ERC1: variants seen among roughly 807,000 people sequenced by gnomAD.
ERC1 encodes RAB6 interacting protein 2.
A neutral mutation model predicts 132.0 loss-of-function variants in ERC1; 56 were observed. The ratio of observed to expected loss-of-function variants is 0.42; its 90% CI spans 0.34 to 0.53. The LOEUF is 0.53. Among genes scored for constraint, ERC1 ranks in the 20% least tolerant of loss-of-function variants. ERC1 has a pLI of 0.03. For missense variants in ERC1, 1,202 were observed against 1,349.9 expected (o/e 0.89, Z 1.72); for synonymous variants, 478 against 476.1 (o/e 1.00, Z -0.05).
intron 17 of ERC1, chr12:1,443,648 G>A (rs2093224884): frequency 6.6e-6 from 1 of 152,330 alleles, no homozygotes; most frequent in East Asian, 1.9e-4. Flanking sequence ...TCAGTGTTCT[G>A]TGATGGTGAG....
intron 12 of ERC1, among the ~76,000 whole-genome samples, chr12:1,206,487 T>C (rs1957361407): frequency 1.3e-5 from 2 of 152,082 alleles, no homozygotes; most frequent in African/African-American, 4.8e-5. Context: ...CTTGTCTTCT[T>C]CCCCTGCCCT....
At chr12:1,432,530 G>A (rs538889053) in intron 17 of ERC1, among the ~76,000 whole-genome samples, 37 of 152,302 alleles carry the variant, frequency 2.4e-4, no homozygotes, top group Non-Finnish European at 4.7e-4. Context: ...TACATGTACC[G>A]TGATCTTCAC....
chr12:1,138,022 A>G (rs1949444898), intron 7 of ERC1, among the ~76,000 whole-genome samples: 1 of 125,746 alleles, frequency 8.0e-6, no homozygotes, highest in South Asian at 2.4e-4. Flanking sequence ...GTAAATGTAT[A>G]TATTATATAA....
intron 15 of ERC1, among the ~76,000 whole-genome samples, chr12:1,338,964 A>T (rs2083548613): frequency 1.3e-5 from 2 of 152,192 alleles, no homozygotes; most frequent in South Asian, 4.1e-4. Flanking sequence ...ACTACACTCT[A>T]ATGGGTGGTG....
chr12:1,111,243 T>A (rs1270441401), intron 5 of ERC1, among the ~76,000 whole-genome samples: 1 of 152,204 alleles, frequency 6.6e-6, no homozygotes, highest in Non-Finnish European at 1.5e-5. Context: ...GTCATTTAGT[T>A]TGATTCTGTA....
intron 2 of ERC1, among the ~76,000 whole-genome samples, chr12:1,038,315 A>G (rs1177566883): frequency 6.6e-6 from 1 of 151,348 alleles, no homozygotes; most frequent in Non-Finnish European, 1.5e-5. Flanking sequence ...TCCTTCTTTT[A>G]TGACAATTTT....
intron 17 of ERC1, 85 bp from the exon 18 acceptor site, chr12:1,444,477 G>A (rs2154411244): frequency 1.1e-6 from 1 of 921,266 alleles, no homozygotes; most frequent in Non-Finnish European, 1.6e-6. Context: ...GACTTGGAAA[G>A]CATAAAGAAT....
intron 15 of ERC1, among the ~76,000 whole-genome samples, chr12:1,309,068 T>TA (rs1165592251): frequency 2.0e-5 from 3 of 152,238 alleles, no homozygotes; most frequent in Non-Finnish European, 4.4e-5. Flanking sequence ...TACTGAATCT[T>TA]ACAGCACTTT....
At chr12:1,183,537 A>T in intron 11 of ERC1, 116 bp downstream of exon 11, 1 of 567,090 alleles carries the variant, frequency 1.8e-6, no homozygotes, top group Middle Eastern at 4.2e-4. Flanking sequence ...CCAAACTTTA[A>T]AATACCATGT....
At chr12:1,261,127 A>G (rs1368844703) in intron 13 of ERC1, among the ~76,000 whole-genome samples, 4 of 152,208 alleles carry the variant, frequency 2.6e-5, no homozygotes, top group Non-Finnish European at 4.4e-5. Flanking sequence ...ACAGCCACAA[A>G]GCTATTTTTG....
intron 18 of ERC1, among the ~76,000 whole-genome samples, chr12:1,480,162 C>G (rs528384532): frequency 1.9e-3 from 289 of 149,994 alleles, no homozygotes; most frequent in African/African-American, 6.9e-3. Context: ...AGTAGAAATA[C>G]TATATATGGA....
At chr12:1,020,888 A>G (rs1453898434) in intron 1 of ERC1, 2 of 152,176 alleles carry the variant, frequency 1.3e-5, no homozygotes, top group Non-Finnish European at 2.9e-5. Context: ...ATTTATGAAC[A>G]TACTTTAAAA....
intron 14 of ERC1, among the ~76,000 whole-genome samples, chr12:1,275,941 C>T: frequency 1.3e-5 from 2 of 152,172 alleles, no homozygotes; most frequent in East Asian, 3.8e-4. Flanking sequence ...TACTGTCTGC[C>T]AGTCACTCTG....
chr12:1,485,271 C>G (rs955642718), intron 18 of ERC1, among the ~76,000 whole-genome samples: 1 of 132,248 alleles, frequency 7.6e-6, no homozygotes, highest in African/African-American at 2.9e-5. Context: ...GTGGCGTGAT[C>G]TTAGCCCACT....
intron 15 of ERC1, among the ~76,000 whole-genome samples, chr12:1,371,231 T>C (rs2087193384): frequency 7.1e-6 from 1 of 141,252 alleles, no homozygotes; most frequent in Non-Finnish European, 1.5e-5. Flanking sequence ...ACCATTCTAC[T>C]CTCTGTTTGC....
At chr12:1,393,586 T>C (rs1455631803) in intron 16 of ERC1, among the ~76,000 whole-genome samples, 1 of 148,664 alleles carries the variant, frequency 6.7e-6, no homozygotes, top group Non-Finnish European at 1.5e-5. Context: ...TCTTTTTTTT[T>C]TTTCCTTTAG....
intron 7 of ERC1, among the ~76,000 whole-genome samples, chr12:1,138,268 A>G (rs181502209): frequency 7.5e-6 from 1 of 133,376 alleles, no homozygotes; most frequent in East Asian, 2.1e-4. Flanking sequence ...ATTATATAAT[A>G]TAATTACAAT....
At chr12:1,341,336 A>G (rs1223435879) in intron 15 of ERC1, among the ~76,000 whole-genome samples, 1 of 151,570 alleles carries the variant, frequency 6.6e-6, no homozygotes, top group African/African-American at 2.4e-5. Context: ...AGGATTATAA[A>G]TCATGCTACT....
At chr12:995,290 C>G (rs1212309622) in intron 1 of ERC1, among the ~76,000 whole-genome samples, 1 of 151,880 alleles carries the variant, frequency 6.6e-6, no homozygotes, top group African/African-American at 2.4e-5. Flanking sequence ...AAAGTACGGG[C>G]AGTAGTCAGG....
Sources: allele counts gnomAD v4.1 joint callset (sites outside exome capture counted in the v4.1 genomes callset), GRCh38; gene constraint gnomAD v4.1.1; transcripts MANE v1.5; gene names NCBI Gene and HGNC (gene_info 2026-07-23, HGNC 2026-07-21).